Variants in CPQ observed in about 807,000 individuals in gnomAD.
CPQ encodes the protein carboxypeptidase Q, also known as Ser-Met dipeptidase.
Under a neutral mutation model 45.7 loss-of-function variants are expected in CPQ, and 37 were observed. That is an observed-to-expected ratio of 0.81 (90% CI 0.62 to 1.07). The LOEUF is 1.07. Among genes scored for constraint, CPQ ranks in the 50% least tolerant of loss-of-function variants. The pLI, the probability that CPQ is intolerant of heterozygous loss-of-function variation, is 0.00. For missense variants in CPQ, 537 were observed against 572.9 expected (o/e 0.94, Z 0.64); for synonymous variants, 186 against 205.8 (o/e 0.90, Z 0.82).
Position 96,835,061 on chromosome 8 carries a change from C to T in CPQ, c.522C>T (p.Asn174=), listed in dbSNP as rs746609839. The change falls in exon 3 of 8, where the codon AAC becomes AAT. Residue 174 remains asparagine (N), a synonymous_variant. Coordinates refer to ENST00000220763, the MANE Select transcript of CPQ (RefSeq NM_016134.4). The part of the protein sequence containing the change: ...SEARGKIVVY[N]QPYINYSRTV... ...CAAGAGGGAAGATTGTTGTTTATAA[C>T]CAACCTTACATCAACTACTCAAGGA... 5 of 1,613,530 alleles carry T rather than the reference C, an allele frequency of 3.1e-6. No individual in the cohort carries two copies. Among genetic ancestry groups the T allele is most frequent in the South Asian group, 1.1e-5 (1 of 90,976 alleles).
At chr8:97,039,206 G>A (rs9297269) in intron 6 of CPQ, among the ~76,000 whole-genome samples, 3 of 152,122 alleles carry the variant, frequency 2.0e-5, no homozygotes, top group Admixed American at 6.5e-5. Flanking sequence ...TGTACTTCCC[G>A]AGTATTTCTA....
chr8:97,027,449 C>T (rs541808411), intron 5 of CPQ, among the ~76,000 whole-genome samples: 134 of 152,144 alleles, frequency 8.8e-4, no homozygotes, highest in Middle Eastern at 3.4e-3. Context: ...CCAGGGTTGT[C>T]TTACATGTGT....
chr8:96,743,238 G>A (rs1443532175), intron 1 of CPQ, among the ~76,000 whole-genome samples: 17 of 151,730 alleles, frequency 1.1e-4, no homozygotes, highest in South Asian at 2.1e-4. Flanking sequence ...ATCTTCCATC[G>A]TTGATACCCT....
intron 7 of CPQ, among the ~76,000 whole-genome samples, chr8:97,071,278 G>A (rs1250450534): frequency 1.3e-5 from 2 of 152,112 alleles, no homozygotes; most frequent in African/African-American, 4.8e-5. Flanking sequence ...ACTATTGTAT[G>A]GTACTGGAGA....
chr8:96,904,745 C>T (rs1812554698), intron 4 of CPQ, among the ~76,000 whole-genome samples: 1 of 152,176 alleles, frequency 6.6e-6, no homozygotes. Context: ...CTGGGTCATT[C>T]TGATGCACAG....
intron 1 of CPQ, among the ~76,000 whole-genome samples, chr8:96,716,139 G>T (rs549066052): frequency 3.3e-5 from 5 of 152,272 alleles, no homozygotes; most frequent in African/African-American, 1.2e-4. Context: ...CTGAGGTCAT[G>T]CACAAGTTTT....
At chr8:96,776,039 C>A (rs905377876) in intron 1 of CPQ, among the ~76,000 whole-genome samples, 1 of 152,180 alleles carries the variant, frequency 6.6e-6, no homozygotes, top group Non-Finnish European at 1.5e-5. Context: ...ATGTTTGTAT[C>A]TTTTCCCAAA....
chr8:96,869,026 A>G (rs1298229421), intron 3 of CPQ, among the ~76,000 whole-genome samples: 4 of 151,710 alleles, frequency 2.6e-5, no homozygotes, highest in Non-Finnish European at 5.9e-5. Context: ...AAGTCTAAAC[A>G]CATATTCTAA....
intron 5 of CPQ, among the ~76,000 whole-genome samples, chr8:96,988,422 C>T (rs1809029831): frequency 6.6e-6 from 1 of 152,062 alleles, no homozygotes; most frequent in African/African-American, 2.4e-5. Flanking sequence ...CTGTATATTT[C>T]AGACTGGGAA....
intron 4 of CPQ, among the ~76,000 whole-genome samples, chr8:96,935,202 C>G (rs1813028989): frequency 6.6e-6 from 1 of 152,066 alleles, no homozygotes; most frequent in Non-Finnish European, 1.5e-5. Flanking sequence ...GTCCAAAAGG[C>G]CTTAATGGCA....
intron 7 of CPQ, among the ~76,000 whole-genome samples, chr8:97,130,644 T>C (rs1465597316): frequency 6.6e-6 from 1 of 152,214 alleles, no homozygotes; most frequent in Non-Finnish European, 1.5e-5. Context: ...ACCTCTCAGC[T>C]TGTAGATTTC....
At chr8:97,005,930 A>T (rs1255180578) in intron 5 of CPQ, among the ~76,000 whole-genome samples, 2 of 152,194 alleles carry the variant, frequency 1.3e-5, no homozygotes, top group Non-Finnish European at 2.9e-5. Flanking sequence ...AATAAAAAAG[A>T]TCATTGCCTA....
intron 4 of CPQ, among the ~76,000 whole-genome samples, chr8:96,921,905 T>TAGGTGGAGGAGAAAGTGAATAGGAGAA (rs1467751627): frequency 6.6e-6 from 1 of 152,108 alleles, no homozygotes; most frequent in Non-Finnish European, 1.5e-5. Flanking sequence ...AGAAAGTGAA[T>TAGGTGGAGGAGAAAGTGAATAGGAGAA]AGATGAGGTG....
chr8:96,886,924 A>T (rs1295193245), intron 4 of CPQ, among the ~76,000 whole-genome samples: 2 of 152,190 alleles, frequency 1.3e-5, no homozygotes, highest in African/African-American at 4.8e-5. Context: ...GAGTTTCCTT[A>T]GAGCACCCCT....
intron 1 of CPQ, among the ~76,000 whole-genome samples, chr8:96,727,967 C>T (rs2130768020): frequency 6.6e-6 from 1 of 152,272 alleles, no homozygotes; most frequent in East Asian, 1.9e-4. Flanking sequence ...TGGATTCAAC[C>T]CATAGGTCGC....
intron 7 of CPQ, among the ~76,000 whole-genome samples, chr8:97,082,894 C>T (rs536110960): frequency 1.3e-5 from 2 of 152,152 alleles, no homozygotes; most frequent in Admixed American, 6.5e-5. Context: ...GCTACTCTAA[C>T]GTGTATGTTA....
chr8:96,687,075 G>A (rs958969071), intron 1 of CPQ, among the ~76,000 whole-genome samples: 1 of 151,814 alleles, frequency 6.6e-6, no homozygotes, highest in Non-Finnish European at 1.5e-5. Flanking sequence ...GCGAGTTAAA[G>A]GTTTTGTTTC....
At chr8:96,707,339 G>A (rs1454619842) in intron 1 of CPQ, among the ~76,000 whole-genome samples, 1 of 152,140 alleles carries the variant, frequency 6.6e-6, no homozygotes, top group Non-Finnish European at 1.5e-5. Flanking sequence ...AACTAACTTA[G>A]TCACATGTGG....
chr8:96,836,376 T>C (rs1394743372), intron 3 of CPQ, among the ~76,000 whole-genome samples: 2 of 152,172 alleles, frequency 1.3e-5, no homozygotes, highest in Non-Finnish European at 2.9e-5. Context: ...GGATAAGATA[T>C]CTTCCCAGGG....
Sources: gnomAD v4.1 joint callset for allele counts (sites outside exome capture counted in the v4.1 genomes callset) on GRCh38, gnomAD v4.1.1 for gene constraint, MANE v1.5 for transcripts, NCBI Gene and HGNC (gene_info 2026-07-23, HGNC 2026-07-21) for gene names.